The following SMYD3 variants were observed in gnomAD, a reference collection of about 807,000 sequenced individuals.
The protein encoded by SMYD3 is SET and MYND domain containing 3.
SMYD3 carries 36 observed loss-of-function variants against 57.7 expected under a neutral mutation model. The ratio of observed to expected loss-of-function variants is 0.62; its 90% confidence interval spans 0.48 to 0.82. The LOEUF (loss-of-function observed/expected upper bound fraction) is 0.82, where lower values mean the gene tolerates loss of function less well. Ranked by LOEUF, SMYD3 falls within the 40% of genes least tolerant of loss-of-function variation. The pLI is 0.00. For missense variants in SMYD3, 515 were observed against 538.8 expected (o/e 0.96, Z 0.44); for synonymous variants, 211 against 195.0 (o/e 1.08, Z -0.68).
chr1:246,096,702 A>G (rs1464277183), intron 5 of SMYD3, among the ~76,000 whole-genome samples: 1 of 152,218 alleles, frequency 6.6e-6, no homozygotes, highest in Non-Finnish European at 1.5e-5. Context: ...AAGATACCAG[A>G]ACTAACTTTT....
chr1:246,141,525 T>G (rs1035918274), intron 5 of SMYD3, among the ~76,000 whole-genome samples: 1 of 152,312 alleles, frequency 6.6e-6, no homozygotes, highest in South Asian at 2.1e-4. Flanking sequence ...CTCAATTCTC[T>G]CCTTCACAGT....
At chr1:245,849,079 C>G (rs9728593) in intron 10 of SMYD3, among the ~76,000 whole-genome samples, 74,576 of 152,058 alleles carry the variant, frequency 0.49, 20,838 homozygotes, top group Middle Eastern at 0.65. Flanking sequence ...TCCTTGGATA[C>G]TGCAACCAAG....
intron 5 of SMYD3, among the ~76,000 whole-genome samples, chr1:246,212,359 T>C (rs1349581866): frequency 6.6e-6 from 1 of 152,088 alleles, no homozygotes; most frequent in Non-Finnish European, 1.5e-5. Flanking sequence ...AATAATTATA[T>C]GATAAATGAG....
chr1:246,041,246 T>C (rs958529625), intron 5 of SMYD3, among the ~76,000 whole-genome samples: 59 of 152,262 alleles, frequency 3.9e-4, no homozygotes, highest in African/African-American at 1.3e-3. Context: ...TGCCTGAAGA[T>C]GCACTTCCCA....
At chr1:245,862,355 A>G (rs955004145) in intron 9 of SMYD3, among the ~76,000 whole-genome samples, 2 of 152,210 alleles carry the variant, frequency 1.3e-5, no homozygotes, top group Non-Finnish European at 2.9e-5. Flanking sequence ...GCTATTTACT[A>G]AAGCCCTAAA....
At chr1:246,110,614 C>A (rs2061217535) in intron 5 of SMYD3, among the ~76,000 whole-genome samples, 1 of 152,212 alleles carries the variant, frequency 6.6e-6, no homozygotes, top group African/African-American at 2.4e-5. Flanking sequence ...ACAGACAGAT[C>A]TGGTGCTCTC....
At chr1:246,247,745 T>G (rs1257750562) in intron 5 of SMYD3, among the ~76,000 whole-genome samples, 1 of 152,074 alleles carries the variant, frequency 6.6e-6, no homozygotes, top group Non-Finnish European at 1.5e-5. Flanking sequence ...TTAACACTTT[T>G]TATTTTCTAG....
At chr1:245,813,005 CTTTTTTTTTTTTTTT>C (rs770448717) in intron 10 of SMYD3, among the ~76,000 whole-genome samples, 8 of 75,650 alleles carry the variant, frequency 1.1e-4, no homozygotes, top group African/African-American at 3.5e-4. Flanking sequence ...GAGACAGCTT[CTTTTTTTTTTTTTTT>C]TTTTTTTTTT....
chr1:246,380,007 C>CA (rs111443015), intron 1 of SMYD3, among the ~76,000 whole-genome samples: 8,024 of 104,574 alleles, frequency 0.077, 292 homozygotes, highest in African/African-American at 0.12. Context: ...CACTCTGTCT[C>CA]AAAAAAAAAA....
chr1:246,298,364 CA>C (rs2064833451), intron 5 of SMYD3, among the ~76,000 whole-genome samples: 1 of 151,816 alleles, frequency 6.6e-6, no homozygotes, highest in Non-Finnish European at 1.5e-5. Context: ...TTTCTATGAC[CA>C]AAATCATATT....
At chr1:245,853,178 T>C (rs1281208825) in intron 10 of SMYD3, among the ~76,000 whole-genome samples, 3 of 152,286 alleles carry the variant, frequency 2.0e-5, no homozygotes, top group African/African-American at 7.2e-5. Context: ...CAGATAGTTA[T>C]TTCTTCTTCT....
At chr1:246,404,974 C>T (rs1240576178) in intron 1 of SMYD3, among the ~76,000 whole-genome samples, 1 of 151,974 alleles carries the variant, frequency 6.6e-6, no homozygotes, top group Non-Finnish European at 1.5e-5. Context: ...TTTTTTTAGA[C>T]GGGATCTTAC....
chr1:246,338,111 T>C (rs1399264158), intron 2 of SMYD3, among the ~76,000 whole-genome samples: 1 of 152,212 alleles, frequency 6.6e-6, no homozygotes, highest in African/African-American at 2.4e-5. Flanking sequence ...AATCAGATCA[T>C]TTAGGCATAA....
At chr1:245,841,467 T>C (rs953708898) in intron 10 of SMYD3, among the ~76,000 whole-genome samples, 1 of 152,224 alleles carries the variant, frequency 6.6e-6, no homozygotes, top group South Asian at 2.1e-4. Flanking sequence ...TTATTGTGTA[T>C]TTCTAACAAT....
rs576168667 is a variant in SMYD3 at position 245,924,522 on chromosome 1, C to T, written c.702+3409G>A. ...AGACCTTGTGCAATTTTCCAGCTCT[C>T]CTTGTGTGAGGTTTGAAATGCTCCC... On this transcript the variant is annotated intron_variant, in intron 7 of 11. Transcript: ENST00000490107. Among the ~76,000 whole-genome samples the T allele has an allele frequency of 2.0e-5, 3 of 152,306 alleles. No individual in the cohort carries two copies. The South Asian group carries it at 6.2e-4, about 32-fold the overall frequency.
intron 5 of SMYD3, among the ~76,000 whole-genome samples, chr1:246,073,045 G>C (rs552805457): frequency 6.6e-6 from 1 of 152,324 alleles, no homozygotes; most frequent in South Asian, 2.1e-4. Flanking sequence ...ATCAAAACAT[G>C]TCTGTCAGGG....
chr1:246,194,566 T>G (rs2062801181), intron 5 of SMYD3, among the ~76,000 whole-genome samples: 1 of 152,190 alleles, frequency 6.6e-6, no homozygotes, highest in African/African-American at 2.4e-5. Flanking sequence ...TGCACCCGGC[T>G]GCATGCCACA....
intron 1 of SMYD3, among the ~76,000 whole-genome samples, chr1:246,439,022 G>T (rs2067423992): frequency 6.6e-6 from 1 of 151,396 alleles, no homozygotes. Flanking sequence ...CCGGGCTCTG[G>T]GGACCCCTGA....
chr1:246,402,156 T>C (rs1416916622), intron 1 of SMYD3, among the ~76,000 whole-genome samples: 1 of 152,112 alleles, frequency 6.6e-6, no homozygotes, highest in Admixed American at 6.6e-5. Flanking sequence ...GTGATATTTT[T>C]ACTGTAATCA....
Sources: allele counts gnomAD v4.1 joint callset (sites outside exome capture counted in the v4.1 genomes callset), GRCh38; gene constraint gnomAD v4.1.1; transcripts MANE v1.5; gene names NCBI Gene and HGNC (gene_info 2026-07-23, HGNC 2026-07-21).